Variants in GPC6 observed in about 807,000 individuals in gnomAD.
GPC6 encodes the protein glypican-6.
In GPC6, 14 loss-of-function variants were observed where a neutral mutation model predicts 55.2. The observed-to-expected ratio is 0.25, with a 90% CI of 0.17 to 0.40. GPC6 has a LOEUF of 0.40. Ranked by LOEUF, GPC6 falls within the 10% of genes least tolerant of loss-of-function variation. The probability of loss-of-function intolerance (pLI) is 1.00; values close to 1 mark genes in which losing one functional copy is unlikely to be tolerated. For missense variants in GPC6, 641 were observed against 708.5 expected (o/e 0.90, Z 1.08); for synonymous variants, 278 against 259.6 (o/e 1.07, Z -0.68).
intron 1 of GPC6, among the ~76,000 whole-genome samples, chr13:93,525,041 G>A (rs7322574): frequency 0.057 from 8,682 of 152,138 alleles, 809 homozygotes; most frequent in African/African-American, 0.2. Context: ...AATGGAAGCT[G>A]TAGACTCCTA....
intron 4 of GPC6, among the ~76,000 whole-genome samples, chr13:94,224,855 G>A (rs1291865861): frequency 6.6e-6 from 1 of 152,134 alleles, no homozygotes; most frequent in African/African-American, 2.4e-5. Context: ...TGCTGAAACT[G>A]AATGACTGCC....
intron 4 of GPC6, among the ~76,000 whole-genome samples, chr13:94,210,871 G>A (rs1249156036): frequency 6.6e-6 from 1 of 152,172 alleles, no homozygotes; most frequent in Middle Eastern, 3.2e-3. Flanking sequence ...GTTTTAAAAT[G>A]TTTTACAGCT....
At chr13:93,938,013 A>G (rs1006146417) in intron 3 of GPC6, among the ~76,000 whole-genome samples, 2 of 152,248 alleles carry the variant, frequency 1.3e-5, no homozygotes, top group Non-Finnish European at 2.9e-5. Context: ...AGAAATTATA[A>G]TACCCTTAAT....
intron 2 of GPC6, among the ~76,000 whole-genome samples, chr13:93,570,438 G>A (rs1251448873): frequency 6.6e-6 from 1 of 152,112 alleles, no homozygotes; most frequent in Non-Finnish European, 1.5e-5. Context: ...AGATGTTTAT[G>A]TATTATGCAG....
At chr13:93,631,601 C>T (rs1879439850) in intron 2 of GPC6, among the ~76,000 whole-genome samples, 1 of 152,200 alleles carries the variant, frequency 6.6e-6, no homozygotes, top group Admixed American at 6.5e-5. Flanking sequence ...CCTGATAACG[C>T]TGGTCTGTCA....
At chr13:93,631,541 A>G (rs1879435470) in intron 2 of GPC6, among the ~76,000 whole-genome samples, 1 of 152,222 alleles carries the variant, frequency 6.6e-6, no homozygotes, top group African/African-American at 2.4e-5. Context: ...AAACTAATAT[A>G]TGTCTCATCT....
intron 4 of GPC6, among the ~76,000 whole-genome samples, chr13:94,195,670 A>G (rs1023881718): frequency 6.6e-6 from 1 of 152,236 alleles, no homozygotes; most frequent in Non-Finnish European, 1.5e-5. Context: ...TCAGTGCAAT[A>G]CCTGGAAGAT....
At chr13:93,256,359 G>A (rs562394664) in intron 1 of GPC6, among the ~76,000 whole-genome samples, 15 of 151,408 alleles carry the variant, frequency 9.9e-5, no homozygotes, top group South Asian at 4.2e-4. Flanking sequence ...CTTAAAATGC[G>A]TTTAGTAGGA....
intron 4 of GPC6, among the ~76,000 whole-genome samples, chr13:94,135,681 T>C (rs900673214): frequency 6.6e-6 from 1 of 152,236 alleles, no homozygotes; most frequent in Non-Finnish European, 1.5e-5. Context: ...TACCAGTACC[T>C]ATTTTTTATT....
rs577520751 is a variant in GPC6 at position 93,475,103 on chromosome 13, C to A, written c.161-70160C>A. 3.3e-5 allele frequency among the ~76,000 whole-genome samples: 5 copies of A among 152,098 alleles called. No homozygotes were observed. The South Asian group carries it at 1.0e-3, about 32-fold the overall frequency. On this transcript the variant is annotated intron_variant, in intron 1 of 8. Transcript: ENST00000377047. Reference sequence around the variant, plus strand: ...GCTGCACTGAGCTATGATCATGCCACGACACTCCAGTCTGGGTGACAGGGT... The same window carrying A: ...GCTGCACTGAGCTATGATCATGCCAAGACACTCCAGTCTGGGTGACAGGGT...
chr13:94,351,275 C>T (rs1279471212), intron 6 of GPC6, among the ~76,000 whole-genome samples: 2 of 152,052 alleles, frequency 1.3e-5, no homozygotes, highest in African/African-American at 2.4e-5. Context: ...AAAAACACCA[C>T]CTGGGGACAG....
chr13:93,702,712 C>T (rs1882715315), intron 2 of GPC6, among the ~76,000 whole-genome samples: 1 of 151,938 alleles, frequency 6.6e-6, no homozygotes, highest in African/African-American at 2.4e-5. Flanking sequence ...ACTTGCTGCC[C>T]CAGCTTGAAG....
At position 93,227,009 on chromosome 13, in the gene GPC6, C is replaced by G. The variant is rs1307904382; in HGVS notation, c.-448C>G. On this transcript the variant is annotated 5_prime_UTR_variant, in exon 1 of 9. Coordinates refer to ENST00000377047, the MANE Select transcript of GPC6 (RefSeq NM_005708.5). This position sits in a 1 kb window ranked among gnomAD's most constrained non-coding sequence, Gnocchi z 4.3. ...ACAGACACACGCGCGCATACACACT[C>G]GCTCTCGCTTGTCCATCTCCCTCCC... is the stretch of plus-strand genomic sequence containing the variant. The G allele has an allele frequency of 5.1e-5, 8 of 158,270 alleles. No homozygotes were observed. Among genetic ancestry groups the G allele is most frequent in the African/African-American group, 1.9e-4 (8 of 41,560 alleles). 9.8% of individuals were successfully genotyped at this position (158,270 alleles called of 1,614,324 possible).
chr13:94,082,947 G>C lies in GPC6; in HGVS notation c.877+55053G>C, dbSNP rs558828632. Among the ~76,000 whole-genome samples, 259 of 152,158 alleles carry C rather than the reference G, an allele frequency of 1.7e-3. 1 individual carries two copies. The highest frequency in any genetic ancestry group is 5.6e-3 in the African/African-American group (234 of 41,522). ...AATGCTGGATCCTGTATTTCTTCTA[G>C]AACTTAGCACAGAGTAGAATGCTTA... On this transcript the variant is annotated intron_variant, in intron 4 of 8. Transcript: ENST00000377047.
At chr13:94,266,780 T>A (rs145057006) in intron 4 of GPC6, among the ~76,000 whole-genome samples, 1 of 152,316 alleles carries the variant, frequency 6.6e-6, no homozygotes, top group Admixed American at 6.5e-5. Flanking sequence ...CAGAGTCCTA[T>A]ATCTCACAGG....
rs1411836227 is a variant in GPC6, at chr13:93,360,924, T to G, written c.160+133308T>G. Among the ~76,000 whole-genome samples the G allele has an allele frequency of 2.6e-5, 4 of 152,320 alleles. No individual in the cohort carries two copies. In the East Asian group the frequency reaches 7.7e-4, roughly 29 times the overall value. ...CGTGACCCCACTGTGTGGCCAGTGCTTGAGTTCTAGGGTATGGGCCTCTGG... is the reference window on the plus strand; with the variant it reads ...CGTGACCCCACTGTGTGGCCAGTGCGTGAGTTCTAGGGTATGGGCCTCTGG... On this transcript the variant is annotated intron_variant, in intron 1 of 8. Transcript: ENST00000377047.
intron 3 of GPC6, among the ~76,000 whole-genome samples, chr13:93,870,217 T>C (rs2139036663): frequency 6.6e-6 from 1 of 151,998 alleles, no homozygotes; most frequent in East Asian, 2.0e-4. Flanking sequence ...ATTGTTACAT[T>C]GTTGTAAGAA....
chr13:93,586,753 A>G (rs1038362514), intron 2 of GPC6, among the ~76,000 whole-genome samples: 5 of 152,178 alleles, frequency 3.3e-5, no homozygotes, highest in Admixed American at 6.5e-5. Flanking sequence ...AATTGCCAAG[A>G]CCTTATCACA....
intron 3 of GPC6, among the ~76,000 whole-genome samples, chr13:93,852,605 C>T (rs889758132): frequency 1.6e-4 from 24 of 151,324 alleles, no homozygotes; most frequent in Admixed American, 1.1e-3. Context: ...TTAATGATTT[C>T]TCTCTCTCTC....
Sources: allele counts gnomAD v4.1 joint callset (sites outside exome capture counted in the v4.1 genomes callset), GRCh38; gene constraint gnomAD v4.1.1; non-coding constraint Gnocchi (gnomAD v3.1); transcripts MANE v1.5; gene names NCBI Gene and HGNC (gene_info 2026-07-23, HGNC 2026-07-21).